Variants in PDE10A observed in about 807,000 individuals in gnomAD.
PDE10A encodes cAMP and cAMP-inhibited cGMP 3',5'-cyclic phosphodiesterase 10A.
A neutral mutation model predicts 97.7 loss-of-function variants in PDE10A; 39 were observed. That is an observed-to-expected ratio of 0.40 (90% confidence interval 0.31 to 0.52). PDE10A has a LOEUF of 0.52. Among genes scored for constraint, PDE10A ranks in the 20% least tolerant of loss-of-function variants. The probability of loss-of-function intolerance (pLI) is 0.56; values close to 1 mark genes in which losing one functional copy is unlikely to be tolerated. For missense variants in PDE10A, 731 were observed against 1,047.8 expected, an observed-to-expected ratio of 0.70 and a Z score of 4.17; for synonymous variants, 371 against 376.8, an observed-to-expected ratio of 0.98 and a Z score of 0.18.
intron 3 of PDE10A, among the ~76,000 whole-genome samples, chr6:165,466,991 A>AT (rs1277506646): frequency 1.3e-5 from 2 of 152,218 alleles, no homozygotes; most frequent in Admixed American, 6.5e-5. Context: ...ACATATGAAT[A>AT]ATAAGAAGAA....
At chr6:165,385,517 G>A (rs546253278) in intron 17 of PDE10A, among the ~76,000 whole-genome samples, 9 of 152,290 alleles carry the variant, frequency 5.9e-5, no homozygotes, top group South Asian at 4.2e-4. Flanking sequence ...TCACTCTGAC[G>A]GTGAGTTCCA....
intron 1 of PDE10A, among the ~76,000 whole-genome samples, chr6:165,547,563 T>A (rs1375706862): frequency 5.3e-5 from 8 of 152,176 alleles, no homozygotes; most frequent in Admixed American, 5.2e-4. Context: ...AATATTTTAG[T>A]AAAGATAATT....
At chr6:165,695,243 A>G (rs1562689738) in intron 1 of PDE10A, among the ~76,000 whole-genome samples, 1 of 152,164 alleles carries the variant, frequency 6.6e-6, no homozygotes, top group Non-Finnish European at 1.5e-5. Flanking sequence ...GCAAAAACCA[A>G]AAACAAAAAA....
At chr6:165,719,018 T>C (rs1792097540) in intron 1 of PDE10A, among the ~76,000 whole-genome samples, 1 of 151,238 alleles carries the variant, frequency 6.6e-6, no homozygotes, top group Non-Finnish European at 1.5e-5. Context: ...AATATAGGGG[T>C]TTTGGAAATT....
At chr6:165,452,955 G>A (rs1018943379) in intron 3 of PDE10A, among the ~76,000 whole-genome samples, 1 of 151,320 alleles carries the variant, frequency 6.6e-6, no homozygotes, top group Non-Finnish European at 1.5e-5. Context: ...AATTACTTAA[G>A]TGGTCACAAT....
chr6:165,904,778 G>A (rs527293679), intron 1 of PDE10A, among the ~76,000 whole-genome samples: 1 of 152,204 alleles, frequency 6.6e-6, no homozygotes, highest in Admixed American at 6.5e-5. Context: ...TGCATTTGTG[G>A]ATAACCATGG....
At chr6:165,966,979 A>G (rs534199140) in intron 1 of PDE10A, among the ~76,000 whole-genome samples, 67 of 152,374 alleles carry the variant, frequency 4.4e-4, no homozygotes, top group African/African-American at 1.2e-3. Context: ...TGTTGTTGCT[A>G]TAAGATCCTC....
Position 165,615,432 on chromosome 6 carries a change from TG to T in PDE10A, c.865+46514del, listed in dbSNP as rs540083679. 1.9e-3 allele frequency among the ~76,000 whole-genome samples: 296 copies of T among 152,210 alleles called. 2 individuals carry two copies. Among genetic ancestry groups the T allele is most frequent in the African/African-American group, 6.9e-3 (286 of 41,530 alleles). On this transcript the variant is annotated intron_variant, in intron 1 of 21. Coordinates refer to ENST00000539869, the MANE Select transcript of PDE10A (RefSeq NM_001385079.1). ...AAAAATATTTCTAATACCAAAGTGA[TG>T]AAAATAAGTCTGCATTTTTCTACGT... is the stretch of plus-strand genomic sequence containing the variant.
intron 3 of PDE10A, among the ~76,000 whole-genome samples, chr6:165,459,243 C>A (rs1025548230): frequency 6.6e-6 from 1 of 152,142 alleles, no homozygotes; most frequent in African/African-American, 2.4e-5. Flanking sequence ...CTATTACTGT[C>A]ATTTAATTTG....
At chr6:165,617,945 G>A (rs747287362) in intron 1 of PDE10A, among the ~76,000 whole-genome samples, 1 of 152,080 alleles carries the variant, frequency 6.6e-6, no homozygotes, top group Non-Finnish European at 1.5e-5. Context: ...TGGTAGAGAA[G>A]TCAGGCACAG....
At position 165,671,989 on chromosome 6, in the gene PDE10A, C is replaced by A. The variant is rs147839398; in HGVS notation, c.-614-128421G>T. Among the ~76,000 whole-genome samples the A allele has an allele frequency of 4.2e-3, 633 of 152,214 alleles. 10 individuals are homozygous for A. Among genetic ancestry groups the A allele is most frequent in the African/African-American group, 0.015 (611 of 41,520 alleles). On this transcript the variant is annotated intron_variant, in intron 1 of 19. Transcript: ENST00000366882. The surrounding 1 kb of genome is among the most constrained non-coding windows in gnomAD (Gnocchi z 4.6). ...AGTCAAACTATATTACTTCCGTAAC[C>A]GTAAAATACTGGTGAAGTCTTATCT...
chr6:165,852,723 G>A (rs1348622061), intron 1 of PDE10A, among the ~76,000 whole-genome samples: 1 of 152,192 alleles, frequency 6.6e-6, no homozygotes, highest in Non-Finnish European at 1.5e-5. Context: ...AATGAACCCT[G>A]CTCCATGCGG....
intron 1 of PDE10A, among the ~76,000 whole-genome samples, chr6:165,636,626 C>T (rs1380375468): frequency 6.6e-6 from 1 of 152,194 alleles, no homozygotes; most frequent in East Asian, 1.9e-4. Context: ...AGCTTCCCAC[C>T]CTAAATGCAA....
intron 19 of PDE10A, among the ~76,000 whole-genome samples, chr6:165,340,744 CAG>C (rs759132388): frequency 1.1e-4 from 16 of 152,208 alleles, no homozygotes; most frequent in Non-Finnish European, 1.8e-4. Context: ...ATGCTCCAGG[CAG>C]AGACTGCAGG....
intron 1 of PDE10A, among the ~76,000 whole-genome samples, chr6:165,730,719 A>C (rs2036018): frequency 0.62 from 89,406 of 143,886 alleles, 28,202 homozygotes; most frequent in African/African-American, 0.77. Flanking sequence ...TGCCACTACA[A>C]TCCAGCCTGG....
intron 5 of PDE10A, among the ~76,000 whole-genome samples, chr6:165,443,508 T>C (rs1790622729): frequency 6.6e-6 from 1 of 152,156 alleles, no homozygotes; most frequent in East Asian, 1.9e-4. Flanking sequence ...TCCAGGCGCA[T>C]GGTGGAAGCT....
At chr6:165,612,457 A>G (rs1207038586) in intron 1 of PDE10A, among the ~76,000 whole-genome samples, 1 of 151,786 alleles carries the variant, frequency 6.6e-6, no homozygotes, top group East Asian at 1.9e-4. Flanking sequence ...GCTCACCACA[A>G]CCTCAGGTTC....
At chr6:165,891,006 T>C (rs1781776227) in intron 1 of PDE10A, among the ~76,000 whole-genome samples, 1 of 152,158 alleles carries the variant, frequency 6.6e-6, no homozygotes, top group Admixed American at 6.5e-5. Flanking sequence ...TACAACCTAG[T>C]AGACTGCCTT....
chr6:165,410,671 T>G (rs371190428), intron 13 of PDE10A, among the ~76,000 whole-genome samples: 1 of 152,078 alleles, frequency 6.6e-6, no homozygotes, highest in African/African-American at 2.4e-5. Context: ...AGACGGTTAA[T>G]AGGCTCAGTG....
Sources: allele counts gnomAD v4.1 joint callset (sites outside exome capture counted in the v4.1 genomes callset), GRCh38; gene constraint gnomAD v4.1.1; non-coding constraint Gnocchi (gnomAD v3.1); transcripts MANE v1.5; gene names NCBI Gene and HGNC (gene_info 2026-07-23, HGNC 2026-07-21).